SH3KBP1: variants seen among roughly 807,000 people sequenced by gnomAD.
SH3KBP1 encodes the protein SH3 domain-containing kinase-binding protein 1.
SH3KBP1 carries 8 observed loss-of-function variants against 50.1 expected under a neutral mutation model. The observed-to-expected ratio is 0.16, with a 90% CI of 0.09 to 0.29. The LOEUF (loss-of-function observed/expected upper bound fraction) is 0.29, where lower values mean the gene tolerates loss of function less well. Ranked by LOEUF, SH3KBP1 falls within the 10% of genes least tolerant of loss-of-function variation. SH3KBP1 has a pLI of 1.00. For missense variants in SH3KBP1, 377 were observed against 535.2 expected (o/e 0.70, Z 2.92); for synonymous variants, 227 against 218.6 (o/e 1.04, Z -0.34).
At chrX:19,540,806 A>C (rs2064863447) in intron 16 of SH3KBP1, among the ~76,000 whole-genome samples, 1 of 112,004 alleles carries the variant, frequency 8.9e-6, no homozygotes, top group South Asian at 3.7e-4. Flanking sequence ...ATCATCGTTC[A>C]AAATCCTACC....
chrX:19,804,167 A>G (rs1038886246), intron 2 of SH3KBP1, among the ~76,000 whole-genome samples: 3 of 111,330 alleles, frequency 2.7e-5, no homozygotes, highest in Admixed American at 9.5e-5. Context: ...GTGAGAATCC[A>G]TATTAAAAAA....
chrX:19,876,190 C>G (rs757071599), intron 1 of SH3KBP1, among the ~76,000 whole-genome samples: 53 of 111,145 alleles, frequency 4.8e-4, no homozygotes, highest in African/African-American at 1.6e-3. Flanking sequence ...GAAACCCCAT[C>G]TCCACTAAAA....
chrX:19,576,960 A>T (rs2066219105), intron 12 of SH3KBP1, among the ~76,000 whole-genome samples: 1 of 111,913 alleles, frequency 8.9e-6, no homozygotes, highest in African/African-American at 3.2e-5. Context: ...TCTCAGCCCA[A>T]CATGGGATGA....
At chrX:19,674,289 G>A (rs980955702) in intron 6 of SH3KBP1, among the ~76,000 whole-genome samples, 3 of 111,011 alleles carry the variant, frequency 2.7e-5, no homozygotes, top group East Asian at 2.8e-4. Context: ...AAAAAAAACC[G>A]CACTTACTAT....
At chrX:19,719,913 T>C (rs926943592) in intron 3 of SH3KBP1, among the ~76,000 whole-genome samples, 9 of 107,887 alleles carry the variant, frequency 8.3e-5, no homozygotes, top group African/African-American at 3.0e-4. Context: ...AACCCTGAGT[T>C]AACAATACAG....
intron 6 of SH3KBP1, among the ~76,000 whole-genome samples, chrX:19,675,691 CA>C (rs1369677204): frequency 8.9e-6 from 1 of 111,917 alleles, no homozygotes. Flanking sequence ...CACACCCGGC[CA>C]ACCACTATAC....
At chrX:19,867,552 C>T (rs1417736896) in intron 1 of SH3KBP1, among the ~76,000 whole-genome samples, 3 of 111,905 alleles carry the variant, frequency 2.7e-5, no homozygotes, top group African/African-American at 9.8e-5. Flanking sequence ...CTTCCACCTC[C>T]TAAGCAAGAA....
chrX:19,681,222 A>G (rs143656572), intron 6 of SH3KBP1, among the ~76,000 whole-genome samples: 240 of 112,299 alleles, frequency 2.1e-3, no homozygotes, highest in Non-Finnish European at 3.5e-3. Context: ...GCACTTGCGC[A>G]CACACATATA....
At chrX:19,879,075 C>T (rs763675598) in intron 1 of SH3KBP1, among the ~76,000 whole-genome samples, 2 of 111,720 alleles carry the variant, frequency 1.8e-5, no homozygotes, top group South Asian at 7.4e-4. Flanking sequence ...GAAGCCCCAT[C>T]TCTACAAAAA....
At chrX:19,720,746 G>T (rs1398733410) in intron 3 of SH3KBP1, among the ~76,000 whole-genome samples, 1 of 111,500 alleles carries the variant, frequency 9.0e-6, no homozygotes, top group Non-Finnish European at 1.9e-5. Context: ...ATGAGGGAAT[G>T]AGGGGTAGGA....
At chrX:19,605,265 A>G (rs927166816) in intron 9 of SH3KBP1, among the ~76,000 whole-genome samples, 2 of 111,577 alleles carry the variant, frequency 1.8e-5, no homozygotes, top group Non-Finnish European at 3.8e-5. Flanking sequence ...CCTACTGCCC[A>G]TCACCACACA....
In SH3KBP1 at chrX:19,608,062, C is replaced by G. The variant is rs775427661; in HGVS notation, c.898-17G>C. Reference sequence around the variant, plus strand: ...GATGCAGTCCTAGAAAACAGGAGAACAGAGAGTGAGAGATGGGGGCAAGCA... The same window carrying G: ...GATGCAGTCCTAGAAAACAGGAGAAGAGAGAGTGAGAGATGGGGGCAAGCA... On this transcript the variant is annotated splice_polypyrimidine_tract_variant and intron_variant, in intron 8 of 17. Transcript: ENST00000397821. The G allele has an allele frequency of 1.7e-6, 2 of 1,185,800 alleles. No individual in the cohort carries two copies. Among genetic ancestry groups the G allele is most frequent in the Non-Finnish European group, 2.3e-6 (2 of 873,532 alleles).
chrX:19,851,573 G>A (rs2068510265), intron 1 of SH3KBP1, among the ~76,000 whole-genome samples: 2 of 112,650 alleles, frequency 1.8e-5, no homozygotes, highest in Admixed American at 1.9e-4. Flanking sequence ...GTCTCACTCT[G>A]TCACCGAGGA....
chrX:19,719,292 C>A (rs1285279255), intron 3 of SH3KBP1, among the ~76,000 whole-genome samples: 1 of 111,081 alleles, frequency 9.0e-6, no homozygotes, highest in Non-Finnish European at 1.9e-5. Flanking sequence ...CTATGTGGAC[C>A]CCAGGTGCCA....
chrX:19,812,665 C>CA lies in SH3KBP1; in HGVS notation c.162+23459dup, dbSNP rs57012379. 8.3e-3 allele frequency among the ~76,000 whole-genome samples: 294 copies of CA among 35,239 alleles called. 2 individuals carry two copies. Among genetic ancestry groups the CA allele is most frequent in the East Asian group, 0.046 (38 of 832 alleles). The allele number at this position is 35,239 out of a possible 115,157, so 30.6% of individuals were successfully genotyped here. A position where few individuals can be genotyped will look rare whatever the true frequency, so the allele number is the denominator to read the frequency against. ...GCAACATAGTGAGACCCCGTCTCTA[C>CA]AAAAAAAAAAAAAAAAAAAATAGCT... On this transcript the variant is annotated intron_variant, in intron 2 of 17. Coordinates refer to ENST00000397821, the MANE Select transcript of SH3KBP1 (RefSeq NM_031892.3).
At chrX:19,686,782 G>T (rs2063175196) in intron 5 of SH3KBP1, among the ~76,000 whole-genome samples, 1 of 110,929 alleles carries the variant, frequency 9.0e-6, no homozygotes, top group African/African-American at 3.3e-5. Context: ...CATACACGTA[G>T]GTATGTATGC....
At chrX:19,724,057 G>C (rs73461609) in intron 3 of SH3KBP1, among the ~76,000 whole-genome samples, 2,657 of 111,720 alleles carry the variant, frequency 0.024, 84 homozygotes, top group African/African-American at 0.082. Flanking sequence ...AGGTGCAAAG[G>C]TGTATTTTTT....
At chrX:19,585,435 C>G (rs771368926) in intron 12 of SH3KBP1, among the ~76,000 whole-genome samples, 3 of 111,595 alleles carry the variant, frequency 2.7e-5, no homozygotes, top group Non-Finnish European at 5.7e-5. Context: ...TAAAGAAGTC[C>G]GGGGGTGTTT....
rs777396528 is a variant in SH3KBP1, at chrX:19,631,859, T to C, written c.897+5A>G. On this transcript the variant is annotated splice_donor_5th_base_variant and intron_variant, in intron 8 of 17. Transcript: ENST00000397821. ...TTTAGAAGGTAGGAGACAACCTTTG[T>C]TTACCTTATTGATGAGAGTGACTAT... 9.5e-6 allele frequency: 11 copies of C among 1,154,444 alleles called. No individual in the cohort carries two copies. The East Asian group carries it at 2.7e-4, about 28-fold the overall frequency.
Sources: gnomAD v4.1 joint callset for allele counts (sites outside exome capture counted in the v4.1 genomes callset) on GRCh38, gnomAD v4.1.1 for gene constraint, MANE v1.5 for transcripts, NCBI Gene and HGNC (gene_info 2026-07-23, HGNC 2026-07-21) for gene names.